Variants in TRPM1 observed in about 807,000 individuals in gnomAD.
TRPM1 encodes transient receptor potential cation channel subfamily M member 1.
A neutral mutation model predicts 149.4 loss-of-function variants in TRPM1; 113 were observed. That is an observed-to-expected ratio of 0.76 (90% CI 0.65 to 0.88). TRPM1 has a LOEUF of 0.88. TRPM1 is among the 40% of genes least tolerant of loss of function. The pLI, the probability that TRPM1 is intolerant of heterozygous loss-of-function variation, is 0.00. For synonymous variants in TRPM1, 741 were observed against 759.5 expected (o/e 0.98, Z 0.40); for missense variants, 1,976 against 2,038.7 (o/e 0.97, Z 0.59).
At chr15:31,096,266 T>TA (rs1287115321) in intron 1 of TRPM1, among the ~76,000 whole-genome samples, 3 of 152,084 alleles carry the variant, frequency 2.0e-5, no homozygotes, top group African/African-American at 7.2e-5. Context: ...GGCCCCATGG[T>TA]AAAACACAAG....
chr15:31,081,299 A>G, intron 2 of TRPM1, 54 bp downstream of exon 2: 1 of 764,546 alleles, frequency 1.3e-6, no homozygotes, highest in Non-Finnish European at 1.9e-6. Flanking sequence ...TGACTAACGT[A>G]CTTTCTCAGG....
At chr15:31,159,810 C>G (rs907647140) in intron 1 of TRPM1, among the ~76,000 whole-genome samples, 3 of 152,106 alleles carry the variant, frequency 2.0e-5, no homozygotes, top group African/African-American at 7.2e-5. Flanking sequence ...GAAGCAGTTC[C>G]CGCCTAGGGC....
chr15:31,113,625 T>C (rs951073107), intron 1 of TRPM1, among the ~76,000 whole-genome samples: 10 of 152,308 alleles, frequency 6.6e-5, no homozygotes, highest in African/African-American at 2.2e-4. Context: ...TCATAGCACT[T>C]TACTGTACAA....
intron 1 of TRPM1, among the ~76,000 whole-genome samples, chr15:31,133,419 A>AT (rs1285332949): frequency 1.3e-5 from 2 of 151,092 alleles, no homozygotes; most frequent in Admixed American, 6.6e-5. Flanking sequence ...AGTAAAAAAA[A>AT]TTAGCCAATG....
At chr15:31,110,315 G>A (rs1052341016) in intron 1 of TRPM1, among the ~76,000 whole-genome samples, 2 of 152,102 alleles carry the variant, frequency 1.3e-5, no homozygotes, top group African/African-American at 4.8e-5. Context: ...AATCTTTGGT[G>A]TCGTTGTAAA....
chr15:31,089,524 C>G (rs8039828), intron 1 of TRPM1, among the ~76,000 whole-genome samples: 2 of 152,200 alleles, frequency 1.3e-5, no homozygotes, highest in Non-Finnish European at 2.9e-5. Context: ...TGCAATAGCA[C>G]ATTCCCGGGC....
At chr15:31,096,845 GTGGGCATCTGGGGACCCAAGCCTCC>G (rs1035658540) in intron 1 of TRPM1, among the ~76,000 whole-genome samples, 29 of 152,330 alleles carry the variant, frequency 1.9e-4, no homozygotes, top group African/African-American at 6.7e-4. Context: ...CCTGTCAGGT[GTGGGCATCTGGGGACCCAAGCCTCC>G]TGGCCCTCAG....
chr15:31,109,908 A>T (rs2035661879), intron 1 of TRPM1, among the ~76,000 whole-genome samples: 1 of 152,132 alleles, frequency 6.6e-6, no homozygotes, highest in East Asian at 1.9e-4. Context: ...AATGCTGGGG[A>T]CAGAGGGCAG....
Position 31,001,473 on chromosome 15 carries a change from C to G in TRPM1, c.*349G>C, listed in dbSNP as rs150391145. The G allele has an allele frequency of 3.6e-6, 1 of 275,212 alleles. No homozygotes were observed. The highest frequency in any genetic ancestry group is 6.9e-6 in the Non-Finnish European group (1 of 145,020). The allele number at this position is 275,212 out of a possible 1,614,324, so 17.0% of individuals were successfully genotyped here. On this transcript the variant is annotated 3_prime_UTR_variant, in exon 28 of 28. Transcript: ENST00000256552. The stretch of plus-strand genomic sequence containing the variant: ...ATGAGCCACTGTGCCCAGCTAGTTG[C>G]TTACTTCTTAAGTGACCTAATGGTG...
At chr15:31,050,281 C>T in intron 12 of TRPM1, 128 bp downstream of exon 12, 1 of 1,332,794 alleles carries the variant, frequency 7.5e-7, no homozygotes, top group East Asian at 2.3e-5. Flanking sequence ...CTGACACTAC[C>T]CAGTCAAGCC....
chr15:31,125,216 T>A (rs2035932213), intron 1 of TRPM1, among the ~76,000 whole-genome samples: 1 of 151,796 alleles, frequency 6.6e-6, no homozygotes, highest in African/African-American at 2.4e-5. Context: ...AAACTCAGAA[T>A]GTACAACACA....
At chr15:31,155,323 G>C (rs534628493) in intron 1 of TRPM1, among the ~76,000 whole-genome samples, 22 of 151,960 alleles carry the variant, frequency 1.4e-4, no homozygotes, top group Non-Finnish European at 2.5e-4. Context: ...AGACTGCAGT[G>C]GGGGAGCTTG....
At chr15:31,091,008 A>G (rs2035222155) in intron 1 of TRPM1, among the ~76,000 whole-genome samples, 1 of 152,230 alleles carries the variant, frequency 6.6e-6, no homozygotes, top group Admixed American at 6.5e-5. Context: ...CAGCGATTGT[A>G]TTCAGTAAAC....
At chr15:31,065,521 T>A (rs995199953) in intron 7 of TRPM1, among the ~76,000 whole-genome samples, 5 of 152,218 alleles carry the variant, frequency 3.3e-5, no homozygotes, top group Non-Finnish European at 2.9e-5. Context: ...GTTTGCGTCT[T>A]TCTCTCTAGT....
Position 31,071,974 on chromosome 15 carries a change from A to AC in TRPM1, c.84-1749_84-1748insG, listed in dbSNP as rs1403098840. Among the ~76,000 whole-genome samples the AC allele has an allele frequency of 9.7e-5, 10 of 103,508 alleles. 1 individual carries two copies. The highest frequency in any genetic ancestry group is 5.7e-4 in the East Asian group (2 of 3,528). 67.9% of individuals were successfully genotyped at this position (103,508 alleles called of 152,430 possible). The stretch of plus-strand genomic sequence containing the variant: ...GTGAGACTCCGTCTCAAAAAAAAAA[A>AC]AAAAACATATATATATATATATATA... On this transcript the variant is annotated intron_variant, in intron 3 of 27. Transcript: ENST00000256552.
At chr15:31,161,051 G>A (rs1043317902) in exon 1 of TRPM1, 28 of 1,285,268 alleles carry the variant, frequency 2.2e-5, no homozygotes, top group East Asian at 2.0e-4. Context: ...GGGCAGGAGC[G>A]GAGCCACACA....
chr15:31,097,363 G>A (rs1433143704), intron 1 of TRPM1, among the ~76,000 whole-genome samples: 2 of 152,140 alleles, frequency 1.3e-5, no homozygotes, highest in East Asian at 1.9e-4. Context: ...AGGGAACAAC[G>A]TCCAAACCCC....
intron 1 of TRPM1, among the ~76,000 whole-genome samples, chr15:31,098,154 G>T: frequency 6.6e-6 from 1 of 152,192 alleles, no homozygotes; most frequent in East Asian, 1.9e-4. Context: ...ATACACATCA[G>T]GCCGGGCGTG....
chr15:31,156,513 C>T (rs2036379854), intron 1 of TRPM1, among the ~76,000 whole-genome samples: 1 of 152,162 alleles, frequency 6.6e-6, no homozygotes, highest in African/African-American at 2.4e-5. Context: ...CCAGACACTT[C>T]TTTCTATTGA....
Sources: allele counts gnomAD v4.1 joint callset (sites outside exome capture counted in the v4.1 genomes callset), GRCh38; gene constraint gnomAD v4.1.1; transcripts MANE v1.5; gene names NCBI Gene and HGNC (gene_info 2026-07-23, HGNC 2026-07-21).